TBCE: variants seen among roughly 807,000 people sequenced by gnomAD.
The protein encoded by TBCE is tubulin folding cofactor E.
In TBCE, 53 loss-of-function variants were observed where a neutral mutation model predicts 77.0. The observed-to-expected ratio is 0.69, with a 90% CI of 0.55 to 0.87. The LOEUF (loss-of-function observed/expected upper bound fraction) is 0.87. Among genes scored for constraint, TBCE ranks in the 40% least tolerant of loss-of-function variants. TBCE has a pLI of 0.00. For synonymous variants in TBCE, 235 were observed against 241.3 expected (o/e 0.97, Z 0.24); for missense variants, 624 against 622.4 (o/e 1.00, Z -0.03).
intron 1 of TBCE, among the ~76,000 whole-genome samples, chr1:235,375,347 T>G (rs1454607108): frequency 2.6e-5 from 4 of 152,142 alleles, no homozygotes; most frequent in Non-Finnish European, 4.4e-5. Context: ...CAAGCCTTAG[T>G]CAGCACCCAG....
At chr1:235,374,656 A>G (rs1677179132) in intron 1 of TBCE, among the ~76,000 whole-genome samples, 1 of 143,676 alleles carries the variant, frequency 7.0e-6, no homozygotes, top group African/African-American at 2.7e-5. Flanking sequence ...ATCCGCCACC[A>G]CACCTGGCTA....
In TBCE at chr1:235,411,630, G is replaced by A. The variant is rs555004227; in HGVS notation, c.186-2803G>A. Among the ~76,000 whole-genome samples, 43 of 152,282 alleles carry A rather than the reference G, an allele frequency of 2.8e-4. 2 individuals are homozygous for A. The South Asian group carries it at 8.1e-3, about 29-fold the overall frequency. On this transcript the variant is annotated intron_variant, in intron 3 of 16. Coordinates refer to ENST00000642610, the MANE Select transcript of TBCE (RefSeq NM_003193.5). ...ATAATAAAGAATGGCTACTCCATAG[G>A]CAGAGCAGCCAGTAAACTAGGCTTG...
In TBCE at chr1:235,440,310, T is replaced by C. The variant is rs1281310805; in HGVS notation, c.1270+1388T>C. Among the ~76,000 whole-genome samples the C allele has an allele frequency of 4.6e-5, 7 of 151,586 alleles. No individual in the cohort carries two copies. In the East Asian group the frequency reaches 1.4e-3, roughly 30 times the overall value. ...TAAATGTAGGTTCTTCTCTTGCATA[T>C]GTCCACCAGGTTTCAGGTGGCGCAC... On this transcript the variant is annotated intron_variant, in intron 13 of 16. Transcript: ENST00000642610.
rs947995929 is a variant in TBCE, at chr1:235,439,045, G to A, written c.1270+123G>A. 12 of 1,387,862 alleles carry A rather than the reference G, an allele frequency of 8.6e-6. No individual in the cohort carries two copies. In the African/African-American group the frequency reaches 1.7e-4, roughly 20 times the overall value. 86.0% of individuals were successfully genotyped at this position (1,387,862 alleles called of 1,614,324 possible). On this transcript the variant is annotated intron_variant, in intron 13 of 16. Coordinates refer to ENST00000642610, the MANE Select transcript of TBCE (RefSeq NM_003193.5). ...CCCTTCTTCCTTTCCTGGGCTTCTTGTATTCATCTGAATGGACTATAGGCA... is the reference window on the plus strand; with the variant it reads ...CCCTTCTTCCTTTCCTGGGCTTCTTATATTCATCTGAATGGACTATAGGCA...
In TBCE at chr1:235,438,930, C is replaced by T. The variant is rs778443999; in HGVS notation, c.1270+8C>T. The T allele has an allele frequency of 3.0e-5, 48 of 1,614,100 alleles. No individual in the cohort carries two copies. Among genetic ancestry groups the T allele is most frequent in the East Asian group, 1.8e-4 (8 of 44,868 alleles). On this transcript the variant is annotated splice_region_variant and intron_variant, in intron 13 of 16. Coordinates refer to ENST00000642610, the MANE Select transcript of TBCE (RefSeq NM_003193.5). Reference sequence around the variant, plus strand: ...ACCAGTTCCTCTGCCTGAGTACGTGCGTATACACTGGTGGCCTTCAGGTGG... The same window carrying T: ...ACCAGTTCCTCTGCCTGAGTACGTGTGTATACACTGGTGGCCTTCAGGTGG...
intron 1 of TBCE, among the ~76,000 whole-genome samples, chr1:235,372,751 C>G (rs886086090): frequency 2.0e-5 from 3 of 151,652 alleles, no homozygotes; most frequent in African/African-American, 7.3e-5. Flanking sequence ...GGTGAAACCA[C>G]GTCTCTACTA....
intron 3 of TBCE, among the ~76,000 whole-genome samples, chr1:235,408,571 A>ATTTT (rs1453476931): frequency 4.3e-4 from 65 of 152,214 alleles, no homozygotes; most frequent in African/African-American, 1.5e-3. Flanking sequence ...TCAACGCAAA[A>ATTTT]GCAGTTGAGA....
At position 235,435,783 on chromosome 1, in the gene TBCE, T is replaced by C. The variant is rs1558388240; in HGVS notation, c.776T>C (p.Leu259Pro). The change falls in exon 9 of 17, where the codon CTT (leucine) becomes CCT (proline). Residue 259 changes from leucine to proline, a missense_variant. Physicochemically the swap from Leu to Pro is moderately conservative, Grantham distance 98 (BLOSUM62 -3). Transcript: ENST00000642610. ...CTCCAGACAGTCAAGTTATTAGATC[T>C]TTCCTCTAATCAATTAATTGATGAA... is the stretch of plus-strand genomic sequence containing the variant. ...DVLQTVKLLD[L>P]SSNQLIDENQ... 1 of 1,614,202 alleles carries C rather than the reference T, an allele frequency of 6.2e-7. No homozygotes were observed. Among genetic ancestry groups the C allele is most frequent in the South Asian group, 1.1e-5 (1 of 91,082 alleles).
rs1676981329 is a variant in TBCE at position 235,371,886 on chromosome 1, C to T, written c.-32+4382C>T. Among the ~76,000 whole-genome samples the T allele has an allele frequency of 2.0e-5, 3 of 152,160 alleles. No individual in the cohort carries two copies. The South Asian group carries it at 6.2e-4, about 32-fold the overall frequency. Reference sequence around the variant, plus strand: ...TGGGGGTTTCACCATGTTGGCCGGGCTGGTCTCGAACTCCTGACCTCAGGT... The same window carrying T: ...TGGGGGTTTCACCATGTTGGCCGGGTTGGTCTCGAACTCCTGACCTCAGGT... On this transcript the variant is annotated intron_variant, in intron 1 of 16. Coordinates refer to ENST00000642610, the MANE Select transcript of TBCE (RefSeq NM_003193.5).
At chr1:235,368,173 T>C (rs910311503) in intron 1 of TBCE, among the ~76,000 whole-genome samples, 2 of 152,208 alleles carry the variant, frequency 1.3e-5, no homozygotes, top group African/African-American at 4.8e-5. Context: ...CCCAAACTGC[T>C]GGGATTACAG....
intron 2 of TBCE, among the ~76,000 whole-genome samples, chr1:235,391,898 C>T (rs1026596770): frequency 2.0e-5 from 3 of 151,976 alleles, no homozygotes; most frequent in Admixed American, 2.0e-4. Context: ...TGAGCCACTG[C>T]ACTCGGCCCA....
intron 2 of TBCE, among the ~76,000 whole-genome samples, chr1:235,392,409 T>TA (rs71174422): frequency 7.5e-6 from 1 of 133,812 alleles, no homozygotes; most frequent in Non-Finnish European, 1.6e-5. Context: ...AATTTTTTTT[T>TA]TTTTTTTTTT....
At chr1:235,401,681 A>G in intron 3 of TBCE, 94 bp downstream of exon 3, 1 of 1,077,606 alleles carries the variant, frequency 9.3e-7, no homozygotes, top group Non-Finnish European at 1.4e-6. Context: ...TGTTTGGCTC[A>G]TGGAGTAGTT....
intron 13 of TBCE, among the ~76,000 whole-genome samples, chr1:235,440,249 C>T (rs567897117): frequency 1.3e-5 from 2 of 152,056 alleles, no homozygotes; most frequent in African/African-American, 2.4e-5. Flanking sequence ...GGATTACAGG[C>T]GTGAGCCACC....
chr1:235,418,609 G>T (rs1572398016), intron 4 of TBCE: 1 of 152,230 alleles, frequency 6.6e-6, no homozygotes, highest in South Asian at 2.1e-4. Context: ...CTTCTGCGTG[G>T]TTGGGAACAA....
intron 3 of TBCE, among the ~76,000 whole-genome samples, chr1:235,413,004 T>A (rs530427878): frequency 1.3e-5 from 2 of 152,056 alleles, no homozygotes; most frequent in South Asian, 4.2e-4. Flanking sequence ...GGTTTCTTCA[T>A]GTTGGTCAGG....
chr1:235,433,364 A>G (rs1681216332), intron 7 of TBCE: 3 of 252,522 alleles, frequency 1.2e-5, no homozygotes, highest in Non-Finnish European at 2.2e-5. Flanking sequence ...GGGATTACAG[A>G]CGTGCACTAC....
chr1:235,392,479 T>C (rs1207176489), intron 2 of TBCE, among the ~76,000 whole-genome samples: 1 of 150,714 alleles, frequency 6.6e-6, no homozygotes, highest in East Asian at 1.9e-4. Flanking sequence ...GGTGGGATCT[T>C]GGCTCACTGC....
chr1:235,421,228 C>G (rs868815), intron 5 of TBCE, among the ~76,000 whole-genome samples: 110,790 of 151,774 alleles, frequency 0.73, 41,646 homozygotes, highest in African/African-American at 0.92. Context: ...GCAACATTGC[C>G]AGACCTTGTC....
Sources: gnomAD v4.1 joint callset for allele counts (sites outside exome capture counted in the v4.1 genomes callset) on GRCh38, gnomAD v4.1.1 for gene constraint, MANE v1.5 for transcripts, NCBI Gene and HGNC (gene_info 2026-07-23, HGNC 2026-07-21) for gene names.